Variants in RFPL4A observed in about 807,000 individuals in gnomAD.
RFPL4A encodes ret finger protein-like 4A.
A neutral mutation model predicts 8.3 loss-of-function variants in RFPL4A; 4 were observed. That is an observed-to-expected ratio of 0.48 (90% confidence interval 0.24 to 1.10). The LOEUF (loss-of-function observed/expected upper bound fraction) is 1.10. Ranked by LOEUF, RFPL4A falls within the 50% of genes least tolerant of loss-of-function variation. The pLI is 0.18. For synonymous variants in RFPL4A, 43 were observed against 136.6 expected (o/e 0.31, Z 4.78); for missense variants, 111 against 358.7 (o/e 0.31, Z 5.58).
At chr19:55,757,644 T>C (rs573184731), upstream of RFPL4A, among the ~76,000 whole-genome samples, 4 of 152,048 alleles carry the variant, frequency 2.6e-5, no homozygotes, top group South Asian at 6.3e-4. Flanking sequence ...AAAGATGCAA[T>C]TGGAAAAGAT....
At chr19:55,759,948 C>G (rs1989248788) in intron 1 of RFPL4A, among the ~76,000 whole-genome samples, 1 of 151,718 alleles carries the variant, frequency 6.6e-6, no homozygotes, top group African/African-American at 2.4e-5. Context: ...ATCCATGTTT[C>G]TCTCATAGAC....
At chr19:55,761,694 T>C (rs1436442343) in intron 1 of RFPL4A, 98 bp from the exon 2 acceptor site, 69 of 1,479,444 alleles carry the variant, frequency 4.7e-5, no homozygotes, top group Non-Finnish European at 5.9e-5. Flanking sequence ...TGTCGTGCTA[T>C]GATAGCTCCA....
intron 1 of RFPL4A, 133 bp from the exon 2 acceptor site, chr19:55,761,659 C>A: frequency 7.4e-7 from 1 of 1,347,314 alleles, no homozygotes. Context: ...GTTGTGTCTT[C>A]GTCACTAGCA....
intron 1 of RFPL4A, among the ~76,000 whole-genome samples, chr19:55,760,782 C>T (rs74635285): frequency 6.2e-4 from 94 of 151,412 alleles, no homozygotes; most frequent in Admixed American, 4.9e-3. Flanking sequence ...TGTTTTGGTC[C>T]TATGTGAAAA....
At chr19:55,760,680 C>G (rs1328970223) in intron 1 of RFPL4A, among the ~76,000 whole-genome samples, 1 of 151,546 alleles carries the variant, frequency 6.6e-6, no homozygotes, top group Non-Finnish European at 1.5e-5. Flanking sequence ...TTTGAAACAG[C>G]TTAACTCCCT....
At position 55,759,187 on chromosome 19, in the gene RFPL4A, C is replaced by G. The variant is rs1289161070; in HGVS notation, c.-10+12C>G. ...CTCCAGAAGGAGAGGTGAGTTCAAT[C>G]TTATGGAATTCATTTTTACAAAAGG... On this transcript the variant is annotated intron_variant, in intron 1 of 2. Transcript: ENST00000434937. The G allele has an allele frequency of 6.6e-6, 1 of 152,598 alleles. No homozygotes were observed. The highest frequency in any genetic ancestry group is 2.4e-5 in the African/African-American group (1 of 41,178). 9.5% of individuals were successfully genotyped at this position (152,598 alleles called of 1,614,324 possible).
chr19:55,760,295 G>T (rs1313118029), intron 1 of RFPL4A, among the ~76,000 whole-genome samples: 1 of 151,488 alleles, frequency 6.6e-6, no homozygotes, highest in Non-Finnish European at 1.5e-5. Flanking sequence ...AGGCTCTCTG[G>T]ATGCCAGAGA....
At position 55,759,546 on chromosome 19, in the gene RFPL4A, AT is replaced by A. The variant is rs200637385; in HGVS notation, c.-10+381del. 3.1e-4 allele frequency among the ~76,000 whole-genome samples: 44 copies of A among 144,250 alleles called. No homozygotes were observed. In the East Asian group the frequency reaches 4.6e-3, roughly 15 times the overall value. 94.6% of individuals were successfully genotyped at this position (144,250 alleles called of 152,430 possible). A position where few individuals can be genotyped will look rare whatever the true frequency, so the allele number is the denominator to read the frequency against. On this transcript the variant is annotated intron_variant, in intron 1 of 2. Transcript: ENST00000434937. ...ACCATCATTCTTCTCTTATTTTCTGATTTTTTTTTTGTTCAGTTTTTTGTTC... is the reference window on the plus strand; with the variant it reads ...ACCATCATTCTTCTCTTATTTTCTGATTTTTTTTTGTTCAGTTTTTTGTTC...
chr19:55,761,309 A>G lies in RFPL4A; in HGVS notation c.-9-483A>G, dbSNP rs138914990. Among the ~76,000 whole-genome samples, 1,115 of 138,224 alleles carry G rather than the reference A, an allele frequency of 8.1e-3. 190 individuals are homozygous for G. Among genetic ancestry groups the G allele is most frequent in the African/African-American group, 0.027 (1,018 of 37,598 alleles). 90.7% of individuals were successfully genotyped at this position (138,224 alleles called of 152,430 possible). A position where few individuals can be genotyped will look rare whatever the true frequency, so the allele number is the denominator to read the frequency against. ...ATTCAGTTTCTGGTAGTCACATAAA[A>G]TAGAACAAAACAAGCCTAATGAATT... On this transcript the variant is annotated intron_variant, in intron 1 of 2. Transcript: ENST00000434937.
intron 1 of RFPL4A, among the ~76,000 whole-genome samples, chr19:55,760,688 C>G (rs867262485): frequency 5.3e-5 from 8 of 151,626 alleles, no homozygotes; most frequent in Middle Eastern, 6.8e-3. Context: ...AGCTTAACTC[C>G]CTCCGGTTTT....
At position 55,763,061 on chromosome 19, in the gene RFPL4A, G is replaced by T. The variant is rs200485809; in HGVS notation, c.750G>T (p.Trp250Cys). The T allele has an allele frequency of 3.7e-5, 58 of 1,551,794 alleles. No homozygotes were observed. In the East Asian group the frequency reaches 1.3e-3, roughly 35 times the overall value. ...TFIEIPVCEP[W>C]RPFFAHKRGS... is the part of the protein sequence containing the mutation. Reference sequence around the variant, plus strand: ...TCGAGATTCCTGTTTGCGAGCCCTGGCGTCCATTTTTTGCTCATAAACGTG... The same window carrying T: ...TCGAGATTCCTGTTTGCGAGCCCTGTCGTCCATTTTTTGCTCATAAACGTG... Residue 250 changes from tryptophan (W) to cysteine (C), a missense_variant, in exon 3 of 3, where the codon TGG becomes TGT. Transcript: ENST00000434937.
Position 55,761,857 on chromosome 19 carries a change from A to G in RFPL4A, c.57A>G (p.Glu19=). The change falls in exon 2 of 3, where the codon GAA becomes GAG. Residue 19 remains glutamate, a synonymous_variant. Transcript: ENST00000434937. ...GTCCTGTCTGTCTAAAAGATCTTGA[A>G]GAAGCCGTGCAACTGAAATGTGGAT... ...IRCPVCLKDL[E]EAVQLKCGYA... The G allele has an allele frequency of 6.7e-7, 1 of 1,494,512 alleles. No individual in the cohort carries two copies. Among genetic ancestry groups the G allele is most frequent in the South Asian group, 1.2e-5 (1 of 82,268 alleles). The allele number at this position is 1,494,512 out of a possible 1,614,324, so 92.6% of individuals were successfully genotyped here. A position where few individuals can be genotyped will look rare whatever the true frequency, so the allele number is the denominator to read the frequency against.
At chr19:55,761,668 C>A in intron 1 of RFPL4A, 124 bp from the exon 2 acceptor site, 1 of 1,404,990 alleles carries the variant, frequency 7.1e-7, no homozygotes. Flanking sequence ...TCGTCACTAG[C>A]AGTAGTGATT....
At chr19:55,760,345 C>T (rs954989321) in intron 1 of RFPL4A, among the ~76,000 whole-genome samples, 18 of 151,466 alleles carry the variant, frequency 1.2e-4, no homozygotes, top group Admixed American at 2.6e-4. Context: ...TGGATGCTGT[C>T]GGGAGAACGA....
chr19:55,762,169 A>C (rs1989299770), intron 2 of RFPL4A, 83 bp downstream of exon 2: 1 of 1,435,006 alleles, frequency 7.0e-7, no homozygotes, highest in African/African-American at 1.5e-5. Context: ...AAACATAGGC[A>C]TTAGCAGGAT....
At chr19:55,759,445 C>T (rs1989238512) in intron 1 of RFPL4A, among the ~76,000 whole-genome samples, 1 of 151,756 alleles carries the variant, frequency 6.6e-6, no homozygotes, top group Non-Finnish European at 1.5e-5. Context: ...GGTTCGGTGG[C>T]TGCGTTACTC....
intron 1 of RFPL4A, among the ~76,000 whole-genome samples, chr19:55,759,873 T>C (rs906273989): frequency 6.6e-6 from 1 of 151,616 alleles, no homozygotes; most frequent in African/African-American, 2.4e-5. Flanking sequence ...TCCACATTGG[T>C]GCAATGCCAG....
At chr19:55,759,844 A>C in intron 1 of RFPL4A, among the ~76,000 whole-genome samples, 1 of 151,468 alleles carries the variant, frequency 6.6e-6, no homozygotes, top group Admixed American at 6.6e-5. Context: ...TTCACTTCCC[A>C]TCATGCCCTC....
chr19:55,762,826 T>G lies in RFPL4A; in HGVS notation c.515T>G (p.Val172Gly). 1 of 1,438,680 alleles carries G rather than the reference T, an allele frequency of 7.0e-7. No individual in the cohort carries two copies. Among genetic ancestry groups the G allele is most frequent in the East Asian group, 2.5e-5 (1 of 40,802 alleles). The allele number at this position is 1,438,680 out of a possible 1,614,324, so 89.1% of individuals were successfully genotyped here. ...VWDVGVCKESVNRQGKIVLSS... is the reference protein window; with the variant it reads ...VWDVGVCKESGNRQGKIVLSS... ...GATGTGGGCGTGTGCAAGGAATCTG[T>G]GAACCGACAGGGGAAGATTGTGCTT... The change falls in exon 3 of 3, where the codon GTG (valine) becomes GGG (glycine). Residue 172 changes from valine to glycine, a missense_variant. Transcript: ENST00000434937.
Sources: gnomAD v4.1 joint callset for allele counts (sites outside exome capture counted in the v4.1 genomes callset) on GRCh38, gnomAD v4.1.1 for gene constraint, MANE v1.5 for transcripts, NCBI Gene and HGNC (gene_info 2026-07-23, HGNC 2026-07-21) for gene names.